SUDS3: variants seen among roughly 807,000 people sequenced by gnomAD.
The protein encoded by SUDS3 is sin3 histone deacetylase corepressor complex component SDS3.
SUDS3 carries 23 observed loss-of-function variants against 53.5 expected under a neutral mutation model. The observed-to-expected ratio is 0.43, with a 90% CI of 0.31 to 0.61. The LOEUF is 0.61. Ranked by LOEUF, SUDS3 falls within the 20% of genes least tolerant of loss-of-function variation. The pLI is 0.10. For synonymous variants in SUDS3, 150 were observed against 148.5 expected (o/e 1.01, Z -0.08); for missense variants, 291 against 405.9 (o/e 0.72, Z 2.43).
intron 6 of SUDS3, among the ~76,000 whole-genome samples, chr12:118,396,067 C>T (rs1324711601): frequency 6.6e-6 from 1 of 152,036 alleles, no homozygotes; most frequent in East Asian, 1.9e-4. Context: ...ACATTGATGG[C>T]GCCCTCCATC....
intron 10 of SUDS3, among the ~76,000 whole-genome samples, chr12:118,409,825 C>T (rs1410704720): frequency 6.6e-6 from 1 of 152,236 alleles, no homozygotes; most frequent in East Asian, 1.9e-4. Context: ...AGCAGGGGCT[C>T]CTTCATCCTG....
At chr12:118,411,507 A>AT (rs969020037) in intron 11 of SUDS3, among the ~76,000 whole-genome samples, 2 of 149,640 alleles carry the variant, frequency 1.3e-5, no homozygotes, top group Non-Finnish European at 3.0e-5. Flanking sequence ...TTTTATTTTT[A>AT]TTTTTTTTGA....
At chr12:118,410,198 A>T (rs1247677851) in intron 10 of SUDS3, among the ~76,000 whole-genome samples, 1 of 152,216 alleles carries the variant, frequency 6.6e-6, no homozygotes, top group African/African-American at 2.4e-5. Flanking sequence ...TCCGTGGTAC[A>T]CAGTAAGTGC....
chr12:118,407,937 T>C (rs963471357), intron 10 of SUDS3, among the ~76,000 whole-genome samples: 1 of 152,078 alleles, frequency 6.6e-6, no homozygotes, highest in Non-Finnish European at 1.5e-5. Flanking sequence ...AGTCTCGCAC[T>C]GTCACCCAGG....
chr12:118,383,771 A>G (rs1163061400), intron 2 of SUDS3, among the ~76,000 whole-genome samples: 1 of 152,232 alleles, frequency 6.6e-6, no homozygotes, highest in Non-Finnish European at 1.5e-5. Context: ...AAGATGGGAT[A>G]ACATGGGAGA....
chr12:118,409,041 T>C (rs1489394924), intron 10 of SUDS3, among the ~76,000 whole-genome samples: 1 of 152,162 alleles, frequency 6.6e-6, no homozygotes, highest in Non-Finnish European at 1.5e-5. Flanking sequence ...ATAATACATA[T>C]TTAGCATAAT....
At chr12:118,390,529 C>T (rs187846649) in intron 5 of SUDS3, among the ~76,000 whole-genome samples, 1 of 152,228 alleles carries the variant, frequency 6.6e-6, no homozygotes, top group East Asian at 1.9e-4. Flanking sequence ...TTCCTTAAAT[C>T]AGTGTGGTGC....
intron 4 of SUDS3, among the ~76,000 whole-genome samples, chr12:118,388,358 C>T (rs1019176514): frequency 6.6e-6 from 1 of 152,126 alleles, no homozygotes; most frequent in Non-Finnish European, 1.5e-5. Flanking sequence ...ATAGCATTTG[C>T]CAGGTTTGCA....
chr12:118,399,805 G>A (rs1295896663), intron 6 of SUDS3, among the ~76,000 whole-genome samples: 2 of 142,928 alleles, frequency 1.4e-5, no homozygotes, highest in Non-Finnish European at 2.9e-5. Context: ...GAGGAAACGA[G>A]GAGAACTGAG....
At chr12:118,395,517 C>T (rs1057320319) in intron 6 of SUDS3, among the ~76,000 whole-genome samples, 6 of 151,746 alleles carry the variant, frequency 4.0e-5, no homozygotes, top group East Asian at 3.9e-4. Flanking sequence ...TGAACCACCA[C>T]GCCCGGCCAG....
At chr12:118,402,113 TCATTTGCCTAA>T in intron 9 of SUDS3, 109 bp downstream of exon 9, 1 of 1,290,534 alleles carries the variant, frequency 7.7e-7, no homozygotes, top group Non-Finnish European at 1.1e-6. Flanking sequence ...GAAATGTTCA[TCATTTGCCTAA>T]GAGTAGTCAT....
At chr12:118,381,607 A>C (rs1423499369) in intron 2 of SUDS3, among the ~76,000 whole-genome samples, 1 of 152,060 alleles carries the variant, frequency 6.6e-6, no homozygotes, top group Non-Finnish European at 1.5e-5. Context: ...GCTGGTGTCA[A>C]AACTCTTGAC....
intron 6 of SUDS3, among the ~76,000 whole-genome samples, chr12:118,398,256 T>G (rs1244166852): frequency 6.6e-6 from 1 of 152,168 alleles, no homozygotes; most frequent in Non-Finnish European, 1.5e-5. Flanking sequence ...TATTGATACT[T>G]CTATTCTCTA....
intron 11 of SUDS3, 37 bp from the exon 12 acceptor site, chr12:118,414,298 T>C (rs765145342): frequency 5.2e-5 from 77 of 1,491,502 alleles, no homozygotes; most frequent in Non-Finnish European, 6.7e-5. Context: ...CTTCTGTATT[T>C]AACTTTTCAT....
intron 6 of SUDS3, 35 bp downstream of exon 6, chr12:118,391,317 C>G (rs1290561707): frequency 6.3e-7 from 1 of 1,578,440 alleles, no homozygotes; most frequent in East Asian, 2.2e-5. Context: ...TCTTGGGGGC[C>G]CTGAGCGGGG....
chr12:118,396,282 G>A (rs1056004028), intron 6 of SUDS3, among the ~76,000 whole-genome samples: 1 of 152,082 alleles, frequency 6.6e-6, no homozygotes. Context: ...TTGAGACGGG[G>A]TCTTGCTCTG....
intron 9 of SUDS3, chr12:118,402,761 T>A (rs567128225): frequency 1.3e-5 from 2 of 149,494 alleles, no homozygotes; most frequent in South Asian, 4.4e-4. Flanking sequence ...TTTAAGTGAT[T>A]CCTTTTTTTT....
At chr12:118,411,844 C>G (rs1450056540) in intron 11 of SUDS3, among the ~76,000 whole-genome samples, 1 of 152,144 alleles carries the variant, frequency 6.6e-6, no homozygotes, top group Non-Finnish European at 1.5e-5. Flanking sequence ...GAGAATGGAG[C>G]TTGACTGTGG....
chr12:118,380,498 A>G (rs1181095510), intron 2 of SUDS3, among the ~76,000 whole-genome samples: 1 of 152,218 alleles, frequency 6.6e-6, no homozygotes, highest in Non-Finnish European at 1.5e-5. Flanking sequence ...GATAAGGGAT[A>G]CTTAATCTGT....
Sources: gnomAD v4.1 joint callset for allele counts (sites outside exome capture counted in the v4.1 genomes callset) on GRCh38, gnomAD v4.1.1 for gene constraint, MANE v1.5 for transcripts, NCBI Gene and HGNC (gene_info 2026-07-23, HGNC 2026-07-21) for gene names.